The following SNX30 variants were observed in gnomAD, a reference collection of about 807,000 sequenced individuals.
The protein encoded by SNX30 is sorting nexin family member 30.
SNX30 carries 24 observed loss-of-function variants against 46.4 expected under a neutral mutation model. The ratio of observed to expected loss-of-function variants is 0.52; its 90% CI spans 0.37 to 0.73. SNX30 has a LOEUF of 0.73. SNX30 is among the 30% of genes least tolerant of loss of function. The pLI, the probability that SNX30 is intolerant of heterozygous loss-of-function variation, is 0.00. For missense variants in SNX30, 533 were observed against 555.7 expected (o/e 0.96, Z 0.41); for synonymous variants, 189 against 211.5 (o/e 0.89, Z 0.92).
chr9:112,788,882 A>G (rs1457527559), intron 1 of SNX30, among the ~76,000 whole-genome samples: 2 of 151,796 alleles, frequency 1.3e-5, no homozygotes, highest in African/African-American at 4.8e-5. Flanking sequence ...CACAGCCTCA[A>G]CCTCCTGGGC....
chr9:112,846,589 G>C (rs750183122), intron 6 of SNX30, among the ~76,000 whole-genome samples: 4 of 152,156 alleles, frequency 2.6e-5, no homozygotes, highest in Admixed American at 2.6e-4. Flanking sequence ...GGCTACGTGC[G>C]TATTTTATTT....
At chr9:112,772,905 A>T (rs1839674499) in intron 1 of SNX30, among the ~76,000 whole-genome samples, 1 of 152,202 alleles carries the variant, frequency 6.6e-6, no homozygotes, top group Admixed American at 6.5e-5. Flanking sequence ...CTTGCTATTG[A>T]TTTATTCGTG....
chr9:112,868,804 G>T lies in SNX30; in HGVS notation c.1275G>T (p.Ser425=), dbSNP rs199895275. The change falls in exon 9 of 9, where the codon TCG becomes TCT. Residue 425 remains serine (S), a synonymous_variant. Transcript: ENST00000374232. ...YYEKCLMAWE[S]IIPLLQEKQE... is the part of the protein sequence containing the mutation. Reference sequence around the variant, plus strand: ...TCCAGTGCCTCATGGCGTGGGAGTCGATTATTCCACTACTGCAGGAGAAAC... The same window carrying T: ...TCCAGTGCCTCATGGCGTGGGAGTCTATTATTCCACTACTGCAGGAGAAAC... The T allele has an allele frequency of 3.0e-5, 48 of 1,613,930 alleles. No individual in the cohort carries two copies. Among genetic ancestry groups the T allele is most frequent in the Non-Finnish European group, 3.8e-5 (45 of 1,179,952 alleles).
chr9:112,865,727 AC>A (rs1841328002), intron 8 of SNX30, among the ~76,000 whole-genome samples: 1 of 146,602 alleles, frequency 6.8e-6, no homozygotes, highest in African/African-American at 2.6e-5. Flanking sequence ...ATACATACAT[AC>A]ATACACACAT....
intron 1 of SNX30, among the ~76,000 whole-genome samples, chr9:112,775,812 G>T: frequency 7.2e-6 from 1 of 139,228 alleles, no homozygotes; most frequent in Non-Finnish European, 1.5e-5. Context: ...AAAGATGGTA[G>T]CATACCTTAC....
intron 6 of SNX30, among the ~76,000 whole-genome samples, chr9:112,844,905 T>C (rs1840917103): frequency 6.6e-6 from 1 of 152,204 alleles, no homozygotes; most frequent in South Asian, 2.1e-4. Flanking sequence ...GAACAGTTGG[T>C]GCTTTAGGTT....
At chr9:112,807,887 TAA>T (rs1316063514) in intron 2 of SNX30, among the ~76,000 whole-genome samples, 5 of 152,248 alleles carry the variant, frequency 3.3e-5, no homozygotes, top group Admixed American at 6.5e-5. Context: ...TATAAGTCAT[TAA>T]ATGCCTTAGA....
chr9:112,861,169 G>T (rs555562071), intron 7 of SNX30, among the ~76,000 whole-genome samples: 2 of 152,304 alleles, frequency 1.3e-5, no homozygotes, highest in African/African-American at 4.8e-5. Flanking sequence ...CTCCAAGGTC[G>T]CAGTGAGCAA....
At chr9:112,753,978 G>T (rs1839312553) in intron 1 of SNX30, among the ~76,000 whole-genome samples, 1 of 152,236 alleles carries the variant, frequency 6.6e-6, no homozygotes, top group Non-Finnish European at 1.5e-5. Flanking sequence ...AGGGTCATCA[G>T]AGGGGTGTTA....
At chr9:112,827,055 A>C (rs1840588841) in intron 3 of SNX30, among the ~76,000 whole-genome samples, 1 of 152,048 alleles carries the variant, frequency 6.6e-6, no homozygotes, top group Non-Finnish European at 1.5e-5. Context: ...AAACCTTTCC[A>C]CTGTGCCCTT....
intron 6 of SNX30, among the ~76,000 whole-genome samples, chr9:112,847,446 CT>C (rs34501288): frequency 0.52 from 76,226 of 146,222 alleles, 19,586 homozygotes; most frequent in Middle Eastern, 0.67. Flanking sequence ...TACAAGCATT[CT>C]TTTTTTTTTT....
rs1407724866 is a variant in SNX30, at chr9:112,822,654, C to T, written c.459+4839C>T. On this transcript the variant is annotated intron_variant, in intron 3 of 8. Coordinates refer to ENST00000374232, the MANE Select transcript of SNX30 (RefSeq NM_001012994.2). ...TTTACAGCATGCAACACCATACAGT[C>T]ATTCCCCCTTATTTGTGGTTTTGCT... 2.0e-5 allele frequency among the ~76,000 whole-genome samples: 3 copies of T among 150,784 alleles called. No individual in the cohort carries two copies. In the East Asian group the frequency reaches 5.9e-4, roughly 30 times the overall value.
At chr9:112,860,226 GTGAGCCAC>G (rs1841205546) in intron 7 of SNX30, among the ~76,000 whole-genome samples, 1 of 152,232 alleles carries the variant, frequency 6.6e-6, no homozygotes, top group African/African-American at 2.4e-5. Context: ...GATTACAGGC[GTGAGCCAC>G]TGCGCCCAGC....
chr9:112,775,907 G>A (rs1031637388), intron 1 of SNX30, among the ~76,000 whole-genome samples: 1 of 151,020 alleles, frequency 6.6e-6, no homozygotes, highest in African/African-American at 2.4e-5. Context: ...CCCACTAGTT[G>A]CCTCAACACT....
At chr9:112,832,814 TATATATTAATATATAATAA>T (rs1016139651) in intron 4 of SNX30, among the ~76,000 whole-genome samples, 46 of 146,098 alleles carry the variant, frequency 3.1e-4, no homozygotes, top group African/African-American at 1.0e-3. Flanking sequence ...AAATATATAT[TATATATTAATATATAATAA>T]ATATATTAAT....
exon 5 of SNX30, chr9:112,880,128 C>T (rs1002150844): frequency 1.0e-4 from 23 of 224,424 alleles, no homozygotes; most frequent in Non-Finnish European, 8.7e-5. Context: ...GTCAGGAGTT[C>T]GAGACCAGCC....
chr9:112,866,558 C>T (rs1012227632), intron 8 of SNX30: 5 of 470,118 alleles, frequency 1.1e-5, no homozygotes, highest in Admixed American at 2.4e-5. Context: ...GATCATCTTC[C>T]GTATATAAGG....
At position 112,751,049 on chromosome 9, in the gene SNX30, C is replaced by G; in HGVS notation, c.48C>G (p.Ser16=). The G allele has an allele frequency of 1.3e-6, 2 of 1,489,570 alleles. No individual in the cohort carries two copies. Among genetic ancestry groups the G allele is most frequent in the South Asian group, 2.5e-5 (2 of 79,060 alleles). 92.3% of individuals were successfully genotyped at this position (1,489,570 alleles called of 1,614,324 possible). ...PKALPSTGPH[S]LRDMPHPLAG... is the part of the protein sequence containing the mutation. ...CCCTGCCGTCCACGGGGCCCCACTC[C>G]CTGCGCGACATGCCGCACCCGCTGG... Residue 16 remains serine, a synonymous_variant, in exon 1 of 9, where the codon TCC becomes TCG. Transcript: ENST00000374232.
At chr9:112,848,490 A>C (rs568794362) in intron 6 of SNX30, among the ~76,000 whole-genome samples, 3 of 152,348 alleles carry the variant, frequency 2.0e-5, no homozygotes, top group African/African-American at 7.2e-5. Context: ...GGAAGGCAGC[A>C]GGAACAGCCT....
Sources: allele counts gnomAD v4.1 joint callset (sites outside exome capture counted in the v4.1 genomes callset), GRCh38; gene constraint gnomAD v4.1.1; transcripts MANE v1.5; gene names NCBI Gene and HGNC (gene_info 2026-07-23, HGNC 2026-07-21).